Variants in ZRANB3 observed in about 807,000 individuals in gnomAD.
ZRANB3 encodes the protein zinc finger RANBP2-type containing 3.
ZRANB3 carries 125 observed loss-of-function variants against 133.8 expected under a neutral mutation model. The observed-to-expected ratio is 0.93, with a 90% CI of 0.81 to 1.08. ZRANB3 has a LOEUF of 1.08. ZRANB3 is among the 50% of genes least tolerant of loss of function. The probability of loss-of-function intolerance (pLI) is 0.00; values close to 1 mark genes in which losing one functional copy is unlikely to be tolerated. For missense variants in ZRANB3, 1,229 were observed against 1,275.5 expected, an observed-to-expected ratio of 0.96 and a Z score of 0.56; for synonymous variants, 387 against 432.7, an observed-to-expected ratio of 0.89 and a Z score of 1.31.
chr2:135,354,653 G>C (rs1303772758), intron 3 of ZRANB3, among the ~76,000 whole-genome samples: 2 of 152,152 alleles, frequency 1.3e-5, no homozygotes, highest in African/African-American at 4.8e-5. Context: ...ACGCATTTCG[G>C]TAAGTGAAAG....
At chr2:135,490,862 G>C (rs1054147308) in intron 2 of ZRANB3, among the ~76,000 whole-genome samples, 4 of 152,156 alleles carry the variant, frequency 2.6e-5, no homozygotes, top group Admixed American at 6.5e-5. Flanking sequence ...TGGAGGTCAT[G>C]ATGTTAAGTG....
chr2:135,328,849 C>T (rs755216031), intron 6 of ZRANB3, among the ~76,000 whole-genome samples: 11 of 152,138 alleles, frequency 7.2e-5, no homozygotes, highest in Non-Finnish European at 1.6e-4. Flanking sequence ...CTGTTGGCTG[C>T]GTAAGTGTCT....
At chr2:135,394,029 T>A (rs979457011) in intron 2 of ZRANB3, among the ~76,000 whole-genome samples, 1 of 152,050 alleles carries the variant, frequency 6.6e-6, no homozygotes, top group African/African-American at 2.4e-5. Flanking sequence ...AGCTAATTTT[T>A]TTTTTTTTAA....
chr2:135,517,252 C>G (rs1693737859), intron 1 of ZRANB3, among the ~76,000 whole-genome samples: 1 of 152,032 alleles, frequency 6.6e-6, no homozygotes, highest in Non-Finnish European at 1.5e-5. Flanking sequence ...TGTTATTACC[C>G]ACCTTCTGAA....
At chr2:135,203,012 G>A (rs1244377225) in intron 19 of ZRANB3, 49 bp from the exon 20 acceptor site, 6 of 1,588,012 alleles carry the variant, frequency 3.8e-6, no homozygotes, top group Non-Finnish European at 5.1e-6. Flanking sequence ...ACTGCAAGAA[G>A]TGTTTGTTGG....
chr2:135,293,935 A>C (rs1681896160), intron 8 of ZRANB3, among the ~76,000 whole-genome samples: 1 of 151,634 alleles, frequency 6.6e-6, no homozygotes, highest in Admixed American at 6.6e-5. Context: ...CTTGCTTCCC[A>C]GGGATGAAGC....
At chr2:135,282,904 A>C (rs934941402) in intron 8 of ZRANB3, among the ~76,000 whole-genome samples, 1 of 152,204 alleles carries the variant, frequency 6.6e-6, no homozygotes, top group Non-Finnish European at 1.5e-5. Flanking sequence ...AAATTTACCC[A>C]AATTTTGACA....
intron 2 of ZRANB3, among the ~76,000 whole-genome samples, chr2:135,489,220 T>C (rs1692264642): frequency 1.4e-5 from 2 of 146,794 alleles, no homozygotes; most frequent in South Asian, 2.1e-4. Flanking sequence ...ATGAAAATTA[T>C]AGTCAAATAT....
chr2:135,308,461 A>G (rs1416776767), intron 8 of ZRANB3, among the ~76,000 whole-genome samples: 1 of 152,214 alleles, frequency 6.6e-6, no homozygotes, highest in African/African-American at 2.4e-5. Context: ...ATATGCTCTC[A>G]GGACTCCCAG....
chr2:135,468,021 ATAAAGTTGGTAGATAATCCAG>A (rs1691075362), intron 2 of ZRANB3, among the ~76,000 whole-genome samples: 1 of 152,178 alleles, frequency 6.6e-6, no homozygotes, highest in Non-Finnish European at 1.5e-5. Flanking sequence ...CCTTTTCTTT[ATAAAGTTGGTAGATAATCCAG>A]GCATCTTATT....
chr2:135,464,603 T>G (rs1391788739), intron 2 of ZRANB3, among the ~76,000 whole-genome samples: 1 of 152,210 alleles, frequency 6.6e-6, no homozygotes, highest in Non-Finnish European at 1.5e-5. Flanking sequence ...GCTGTCCCCC[T>G]GAGATATGAG....
chr2:135,217,441 A>C (rs1181073425), intron 17 of ZRANB3, 24 bp downstream of exon 17: 2 of 1,574,396 alleles, frequency 1.3e-6, no homozygotes, highest in Admixed American at 3.8e-5. Context: ...TATAATACAA[A>C]ATTTAAAAAA....
intron 2 of ZRANB3, among the ~76,000 whole-genome samples, chr2:135,457,377 C>A (rs183966062): frequency 2.0e-5 from 3 of 152,294 alleles, no homozygotes; most frequent in African/African-American, 7.2e-5. Context: ...GAGGAACTAG[C>A]AAACTGTTTT....
chr2:135,283,243 C>A (rs919233655), intron 8 of ZRANB3, among the ~76,000 whole-genome samples: 1 of 152,138 alleles, frequency 6.6e-6, no homozygotes, highest in Admixed American at 6.5e-5. Context: ...TGTGATTGTG[C>A]CACTGCACTC....
intron 12 of ZRANB3, among the ~76,000 whole-genome samples, chr2:135,253,137 A>G (rs559964879): frequency 6.6e-6 from 1 of 152,328 alleles, no homozygotes; most frequent in South Asian, 2.1e-4. Context: ...AATTCTGGTA[A>G]AAGCTATATT....
intron 2 of ZRANB3, among the ~76,000 whole-genome samples, chr2:135,482,828 G>T (rs1038134966): frequency 5.3e-5 from 8 of 152,258 alleles, no homozygotes; most frequent in African/African-American, 1.9e-4. Context: ...CAGCATGAAG[G>T]GTTGTTGAAT....
At chr2:135,478,369 C>G (rs1224988742) in intron 2 of ZRANB3, among the ~76,000 whole-genome samples, 1 of 151,978 alleles carries the variant, frequency 6.6e-6, no homozygotes, top group Non-Finnish European at 1.5e-5. Flanking sequence ...GTTAAAGAAA[C>G]AGAATATTAT....
chr2:135,198,145 A>C lies in ZRANB3; in HGVS notation c.*2197T>G, dbSNP rs556598501. 12 of 152,244 alleles carry C rather than the reference A, an allele frequency of 7.9e-5. No homozygotes were observed. The highest frequency in any genetic ancestry group is 2.6e-4 in the African/African-American group (11 of 41,520). 9.4% of individuals were successfully genotyped at this position (152,244 alleles called of 1,614,324 possible). A position where few individuals can be genotyped will look rare whatever the true frequency, so the allele number is the denominator to read the frequency against. On this transcript the variant is annotated 3_prime_UTR_variant, in exon 21 of 21. Coordinates refer to ENST00000264159, the MANE Select transcript of ZRANB3 (RefSeq NM_032143.4). ...ATCTGCACTTCCTTCTGCACTCAGG[A>C]TCTGCCACTTGCTCTGACACTTTCT...
chr2:135,527,740 C>T lies in ZRANB3; in HGVS notation c.-8+3387G>A, dbSNP rs943708439. On this transcript the variant is annotated intron_variant, in intron 1 of 20. Coordinates refer to ENST00000264159, the MANE Select transcript of ZRANB3 (RefSeq NM_032143.4). ...GTATCTATTCAGCCACAACCATAGC[C>T]CACTGTTGCAAGTTTTTTCAATTTA... 3.9e-5 allele frequency among the ~76,000 whole-genome samples: 6 copies of T among 152,120 alleles called. 1 individual carries two copies. The South Asian group carries it at 6.2e-4, about 16-fold the overall frequency.
Sources: allele counts gnomAD v4.1 joint callset (sites outside exome capture counted in the v4.1 genomes callset), GRCh38; gene constraint gnomAD v4.1.1; transcripts MANE v1.5; gene names NCBI Gene and HGNC (gene_info 2026-07-23, HGNC 2026-07-21).